NELL1: variants seen among roughly 807,000 people sequenced by gnomAD.
NELL1 encodes neural EGFL like 1.
NELL1 carries 76 observed loss-of-function variants against 107.4 expected under a neutral mutation model. The ratio of observed to expected loss-of-function variants is 0.71; its 90% CI spans 0.59 to 0.86. The LOEUF (loss-of-function observed/expected upper bound fraction) is 0.86. NELL1 is among the 40% of genes least tolerant of loss of function. NELL1 has a pLI of 0.00. For missense variants in NELL1, 1,024 were observed against 1,005.5 expected (o/e 1.02, Z -0.25); for synonymous variants, 353 against 341.2 (o/e 1.03, Z -0.38).
chr11:20,969,395 A>G (rs966335299), intron 12 of NELL1, among the ~76,000 whole-genome samples: 1 of 152,216 alleles, frequency 6.6e-6, no homozygotes, highest in African/African-American at 2.4e-5. Context: ...ATATCCAGCT[A>G]ACACTACCAG....
At chr11:21,188,482 T>C (rs933160728) in intron 13 of NELL1, among the ~76,000 whole-genome samples, 2 of 92,126 alleles carry the variant, frequency 2.2e-5, no homozygotes, top group African/African-American at 5.4e-5. Flanking sequence ...CAGGGCCCTA[T>C]GGCTTTTTTC....
Position 21,492,487 on chromosome 11 carries a change from G to A in NELL1, c.1646-41887G>A, listed in dbSNP as rs534264439. ...CACTATTCACAATAGCAAAGACTTG[G>A]AACCAACCCAAATGTCCAACAATGA... On this transcript the variant is annotated intron_variant, in intron 15 of 19. Transcript: ENST00000357134. 5.9e-5 allele frequency among the ~76,000 whole-genome samples: 9 copies of A among 151,774 alleles called. 1 individual carries two copies. The South Asian group carries it at 1.9e-3, about 32-fold the overall frequency.
intron 14 of NELL1, among the ~76,000 whole-genome samples, chr11:21,268,604 A>G (rs1848680484): frequency 6.6e-6 from 1 of 152,158 alleles, no homozygotes. Flanking sequence ...CACTTGTGAA[A>G]TTCATAGTTC....
At chr11:21,312,141 T>C (rs1360026573) in intron 14 of NELL1, among the ~76,000 whole-genome samples, 2 of 152,126 alleles carry the variant, frequency 1.3e-5, no homozygotes, top group African/African-American at 4.8e-5. Context: ...ACTCTGTGTA[T>C]GGTATTTTGT....
At chr11:21,107,770 G>A (rs1855005291) in intron 12 of NELL1, among the ~76,000 whole-genome samples, 1 of 152,190 alleles carries the variant, frequency 6.6e-6, no homozygotes, top group Non-Finnish European at 1.5e-5. Context: ...CTTTAGAAGT[G>A]ATGGTTGGCT....
chr11:20,939,690 A>G (rs764605411), intron 10 of NELL1, among the ~76,000 whole-genome samples: 3 of 152,186 alleles, frequency 2.0e-5, no homozygotes, highest in African/African-American at 4.8e-5. Flanking sequence ...CCAAGAGAAC[A>G]CTGTGGTACT....
At chr11:21,172,942 A>G (rs28505103) in intron 13 of NELL1, among the ~76,000 whole-genome samples, 8 of 128,716 alleles carry the variant, frequency 6.2e-5, no homozygotes, top group Non-Finnish European at 8.6e-5. Flanking sequence ...GTGTGTGTGT[A>G]TGTGTGTGAT....
chr11:21,359,828 C>T (rs1333565120), intron 14 of NELL1, among the ~76,000 whole-genome samples: 1 of 151,954 alleles, frequency 6.6e-6, no homozygotes, highest in African/African-American at 2.4e-5. Context: ...GTGGTATCGT[C>T]GTAATATTTC....
chr11:21,156,648 A>G (rs1467384747), intron 13 of NELL1, among the ~76,000 whole-genome samples: 1 of 152,146 alleles, frequency 6.6e-6, no homozygotes, highest in East Asian at 1.9e-4. Context: ...TGAGAGGATG[A>G]CACTGAAGCA....
chr11:21,477,510 A>G (rs1256028272), intron 15 of NELL1, among the ~76,000 whole-genome samples: 1 of 152,174 alleles, frequency 6.6e-6, no homozygotes, highest in African/African-American at 2.4e-5. Flanking sequence ...TTGCAAATAT[A>G]GGTGCAGTTA....
intron 14 of NELL1, among the ~76,000 whole-genome samples, chr11:21,369,360 CTAT>C (rs1280608691): frequency 8.5e-6 from 1 of 118,140 alleles, no homozygotes; most frequent in East Asian, 2.4e-4. Flanking sequence ...ATGGTAGGTA[CTAT>C]TTTTTTTTTT....
chr11:20,917,910 T>C (rs1850291473), intron 5 of NELL1, among the ~76,000 whole-genome samples: 1 of 151,988 alleles, frequency 6.6e-6, no homozygotes, highest in Non-Finnish European at 1.5e-5. Context: ...ATTGAATCAG[T>C]GCTTTTTACT....
chr11:21,478,254 C>A (rs1192159429), intron 15 of NELL1, among the ~76,000 whole-genome samples: 2 of 152,124 alleles, frequency 1.3e-5, no homozygotes, highest in African/African-American at 4.8e-5. Flanking sequence ...GATCTAATAA[C>A]CTCTCACCAG....
At chr11:21,555,190 T>G (rs1053926579) in intron 16 of NELL1, among the ~76,000 whole-genome samples, 1 of 151,860 alleles carries the variant, frequency 6.6e-6, no homozygotes, top group African/African-American at 2.4e-5. Flanking sequence ...ATTTATTCAT[T>G]GATGAGTACT....
chr11:21,120,999 A>T lies in NELL1; in HGVS notation c.1426+7285A>T, dbSNP rs536342995. 3.3e-5 allele frequency among the ~76,000 whole-genome samples: 5 copies of T among 152,230 alleles called. No individual in the cohort carries two copies. The East Asian group carries it at 7.7e-4, about 24-fold the overall frequency. On this transcript the variant is annotated intron_variant, in intron 13 of 19. Coordinates refer to ENST00000357134, the MANE Select transcript of NELL1 (RefSeq NM_006157.5). ...AAAATCCTAATTCTTTATGGCAGAG[A>T]TTCCCAATTCTCACCTCAGGGTTGA...
At chr11:21,144,262 C>T (rs1477744314) in intron 13 of NELL1, among the ~76,000 whole-genome samples, 1 of 152,138 alleles carries the variant, frequency 6.6e-6, no homozygotes, top group African/African-American at 2.4e-5. Flanking sequence ...TGCTATGGAA[C>T]ACCTTAGGAC....
At chr11:20,674,654 T>C (rs1854006148) in intron 1 of NELL1, 2 of 817,132 alleles carry the variant, frequency 2.4e-6, no homozygotes, top group Admixed American at 4.2e-5. Flanking sequence ...ACAGGGTTAG[T>C]AGAGGGAAGA....
chr11:21,271,619 C>G (rs144385485), intron 14 of NELL1, among the ~76,000 whole-genome samples: 300 of 152,320 alleles, frequency 2.0e-3, no homozygotes, highest in African/African-American at 6.8e-3. Flanking sequence ...CTTCCAAATT[C>G]TTTGTGAGGC....
At chr11:20,906,846 A>G (rs1305930886) in intron 5 of NELL1, among the ~76,000 whole-genome samples, 2 of 152,044 alleles carry the variant, frequency 1.3e-5, no homozygotes, top group African/African-American at 4.8e-5. Context: ...AACTTTCTTA[A>G]CGTAATAAAG....
Sources: allele counts gnomAD v4.1 joint callset (sites outside exome capture counted in the v4.1 genomes callset), GRCh38; gene constraint gnomAD v4.1.1; transcripts MANE v1.5; gene names NCBI Gene and HGNC (gene_info 2026-07-23, HGNC 2026-07-21).